Variants in SULF1 observed in about 807,000 individuals in gnomAD.
SULF1 encodes the protein sulfatase 1, also known as extracellular sulfatase Sulf-1.
SULF1 carries 46 observed loss-of-function variants against 110.5 expected under a neutral mutation model. The ratio of observed to expected loss-of-function variants is 0.42; its 90% CI spans 0.33 to 0.53. SULF1 has a LOEUF of 0.53. SULF1 is among the 20% of genes least tolerant of loss of function. The probability of loss-of-function intolerance (pLI) is 0.12; values close to 1 mark genes in which losing one functional copy is unlikely to be tolerated. For synonymous variants in SULF1, 371 were observed against 387.1 expected (o/e 0.96, Z 0.49); for missense variants, 941 against 1,094.2 (o/e 0.86, Z 1.98).
At chr8:69,592,979 T>C in intron 8 of SULF1, 1 of 987,174 alleles carries the variant, frequency 1.0e-6, no homozygotes, top group African/African-American at 1.7e-5. Flanking sequence ...AAGTATGTGC[T>C]ATGGGTAAGT....
intron 3 of SULF1, among the ~76,000 whole-genome samples, chr8:69,551,253 C>A (rs1004540668): frequency 6.6e-6 from 1 of 152,186 alleles, no homozygotes; most frequent in Non-Finnish European, 1.5e-5. Flanking sequence ...AGTGTTGAAC[C>A]TATCTTTAAG....
intron 3 of SULF1, among the ~76,000 whole-genome samples, chr8:69,515,960 C>T (rs1811895016): frequency 6.6e-6 from 1 of 152,196 alleles, no homozygotes; most frequent in South Asian, 2.1e-4. Context: ...TTTAACTATC[C>T]ATATCACTAT....
rs2130769163 is a variant in SULF1, at chr8:69,660,339, A to G, written c.*1804A>G. The G allele has an allele frequency of 6.6e-6, 1 of 152,370 alleles. No individual in the cohort carries two copies. Among genetic ancestry groups the G allele is most frequent in the Non-Finnish European group, 1.5e-5 (1 of 68,022 alleles). The allele number at this position is 152,370 out of a possible 1,614,324, so 9.4% of individuals were successfully genotyped here. A position where few individuals can be genotyped will look rare whatever the true frequency, so the allele number is the denominator to read the frequency against. ...AGTTAATTTCTTAACATTGTGTTCT[A>G]TGATTATTTGTAAGACCTTCACCAA... On this transcript the variant is annotated 3_prime_UTR_variant, in exon 23 of 23. Transcript: ENST00000402687.
At chr8:69,533,948 A>T (rs1813272877) in intron 3 of SULF1, among the ~76,000 whole-genome samples, 1 of 152,242 alleles carries the variant, frequency 6.6e-6, no homozygotes, top group African/African-American at 2.4e-5. Context: ...CTAGAAAAAA[A>T]ATTTGCAATG....
intron 3 of SULF1, among the ~76,000 whole-genome samples, chr8:69,540,328 T>C (rs1458820228): frequency 6.6e-6 from 1 of 152,182 alleles, no homozygotes; most frequent in Non-Finnish European, 1.5e-5. Context: ...AATACTAGAG[T>C]ATCTAATATT....
At chr8:69,509,702 A>G (rs1811428561) in intron 3 of SULF1, among the ~76,000 whole-genome samples, 1 of 152,210 alleles carries the variant, frequency 6.6e-6, no homozygotes, top group African/African-American at 2.4e-5. Flanking sequence ...CTCACTGTCC[A>G]TACGTGTCAT....
chr8:69,514,762 T>G (rs1317118704), intron 3 of SULF1, among the ~76,000 whole-genome samples: 14 of 152,130 alleles, frequency 9.2e-5, no homozygotes, highest in Non-Finnish European at 5.9e-5. Flanking sequence ...GGGTAAATGC[T>G]CATGTTCCAA....
At chr8:69,638,894 G>A (rs369997360) in intron 21 of SULF1, 36 bp downstream of exon 21, 285 of 1,583,534 alleles carry the variant, frequency 1.8e-4, no homozygotes, top group Non-Finnish European at 9.5e-5. Context: ...TATTTTACCT[G>A]GAAAATTCTT....
chr8:69,596,808 T>C (rs1807374059), intron 8 of SULF1, among the ~76,000 whole-genome samples: 1 of 152,136 alleles, frequency 6.6e-6, no homozygotes, highest in African/African-American at 2.4e-5. Flanking sequence ...TCAAATGAGC[T>C]ATTAAGGGAT....
intron 3 of SULF1, among the ~76,000 whole-genome samples, chr8:69,549,502 C>T (rs1472536692): frequency 1.3e-5 from 2 of 151,770 alleles, no homozygotes; most frequent in Admixed American, 1.3e-4. Context: ...CTAGATTGTG[C>T]CTCCTGCACC....
intron 13 of SULF1, among the ~76,000 whole-genome samples, chr8:69,606,296 AT>A (rs944037617): frequency 4.6e-5 from 7 of 152,184 alleles, no homozygotes; most frequent in Non-Finnish European, 1.5e-5. Context: ...GTACATCTTA[AT>A]TTTCAAGTGT....
intron 3 of SULF1, among the ~76,000 whole-genome samples, chr8:69,513,658 T>A (rs1811726006): frequency 1.3e-5 from 2 of 152,198 alleles, no homozygotes; most frequent in South Asian, 4.1e-4. Flanking sequence ...GGTAATTTAA[T>A]TTGAACAAAG....
chr8:69,493,321 G>T (rs1305401706), intron 1 of SULF1, among the ~76,000 whole-genome samples, 196 bp downstream of exon 1: 1 of 152,074 alleles, frequency 6.6e-6, no homozygotes, highest in Non-Finnish European at 1.5e-5. Context: ...AGGGGAAAGA[G>T]GTTTCTGTTG....
At chr8:69,603,410 C>T in intron 11 of SULF1, 90 bp downstream of exon 11, 1 of 1,586,666 alleles carries the variant, frequency 6.3e-7, no homozygotes, top group Non-Finnish European at 8.6e-7. Context: ...GACATGGAGG[C>T]AGAATATGCC....
chr8:69,603,345 C>T (rs1807984813), intron 11 of SULF1, 25 bp downstream of exon 11: 2 of 1,613,578 alleles, frequency 1.2e-6, no homozygotes, highest in Admixed American at 3.3e-5. Flanking sequence ...CTCCTCTCAG[C>T]CAGCCCCAAA....
chr8:69,481,776 T>A (rs1809531214), intron 1 of SULF1, among the ~76,000 whole-genome samples: 1 of 152,194 alleles, frequency 6.6e-6, no homozygotes, highest in African/African-American at 2.4e-5. Flanking sequence ...TCCATCCATG[T>A]CCCTGTGAAG....
chr8:69,477,898 C>T (rs962553384), intron 1 of SULF1, among the ~76,000 whole-genome samples: 1 of 152,022 alleles, frequency 6.6e-6, no homozygotes, highest in Non-Finnish European at 1.5e-5. Context: ...CGCTCTGTCA[C>T]TCAGGCAGGG....
intron 3 of SULF1, among the ~76,000 whole-genome samples, chr8:69,527,290 A>G (rs1812765237): frequency 6.6e-6 from 1 of 152,138 alleles, no homozygotes. Flanking sequence ...AAGAGAAAAT[A>G]ACAGGAAAAA....
chr8:69,510,621 T>G (rs769146933), intron 3 of SULF1, among the ~76,000 whole-genome samples: 823 of 9,020 alleles, frequency 0.091, 11 homozygotes, highest in Admixed American at 0.27. Flanking sequence ...TTTTTTTTTG[T>G]TTTTTTTTTT....
Sources: gnomAD v4.1 joint callset for allele counts (sites outside exome capture counted in the v4.1 genomes callset) on GRCh38, gnomAD v4.1.1 for gene constraint, MANE v1.5 for transcripts, NCBI Gene and HGNC (gene_info 2026-07-23, HGNC 2026-07-21) for gene names.